The following CHADL variants were observed in gnomAD, a reference collection of about 807,000 sequenced individuals.
CHADL encodes chondroadherin-like protein.
A neutral mutation model predicts 52.1 loss-of-function variants in CHADL; 48 were observed. That is an observed-to-expected ratio of 0.92 (90% CI 0.73 to 1.17). The LOEUF is 1.17. Among genes scored for constraint, CHADL ranks in the 50% most tolerant of loss-of-function variants. CHADL has a pLI of 0.00. For missense variants in CHADL, 977 were observed against 1,035.1 expected, an observed-to-expected ratio of 0.94 and a Z score of 0.77; for synonymous variants, 498 against 511.2, an observed-to-expected ratio of 0.97 and a Z score of 0.35.
intron 3 of CHADL, 67 bp from the exon 4 acceptor site, chr22:41,236,717 G>A: frequency 7.0e-7 from 1 of 1,425,658 alleles, no homozygotes; most frequent in Non-Finnish European, 9.4e-7. Context: ...AGTCTGGAAG[G>A]GAGCCCCATC....
chr22:41,237,696 C>G lies in CHADL; in HGVS notation c.1376G>C (p.Cys459Ser). ...GHLVSLHLQH[C>S]GIAELEAGAL... The stretch of plus-strand genomic sequence containing the variant: ...GCCCGCTTCCAGCTCCGCGATGCCG[C>G]AGTGCTGCAGGTGCAGCGACACCAG... The change falls in exon 3 of 6, where the codon TGC becomes TCC. Residue 459 changes from cysteine to serine, a missense_variant. Coordinates refer to ENST00000216241, the MANE Select transcript of CHADL (RefSeq NM_138481.2). 1 of 1,542,022 alleles carries G rather than the reference C, an allele frequency of 6.5e-7. No individual in the cohort carries two copies. The highest frequency in any genetic ancestry group is 2.5e-5 in the East Asian group (1 of 40,756).
chr22:41,235,045 A>T (rs2032712816), intron 5 of CHADL, 100 bp downstream of exon 5: 3 of 1,246,132 alleles, frequency 2.4e-6, no homozygotes, highest in East Asian at 2.5e-5. Context: ...CTGGAACCAC[A>T]TGAATCAGGA....
At position 41,235,466 on chromosome 22, in the gene CHADL, G is replaced by T. The variant is rs1424969784; in HGVS notation, c.2064-123C>A. 3 of 712,938 alleles carry T rather than the reference G, an allele frequency of 4.2e-6. No homozygotes were observed. The East Asian group carries it at 8.1e-5, about 19-fold the overall frequency. 44.2% of individuals were successfully genotyped at this position (712,938 alleles called of 1,614,324 possible). Reference sequence around the variant, plus strand: ...GGCAGCACAAGGCCACAGGCAGCATGCATTCATTCGCTCAACAAGCATTTG... The same window carrying T: ...GGCAGCACAAGGCCACAGGCAGCATTCATTCATTCGCTCAACAAGCATTTG... On this transcript the variant is annotated intron_variant, in intron 4 of 5. Transcript: ENST00000216241.
rs556781704 is a variant in CHADL, at chr22:41,229,641, C to A, written c.*63G>T. 4 of 1,613,548 alleles carry A rather than the reference C, an allele frequency of 2.5e-6. No individual in the cohort carries two copies. Among genetic ancestry groups the A allele is most frequent in the Non-Finnish European group, 1.7e-6 (2 of 1,180,040 alleles). ...GGGTGCCAGGAAGATCTCGTCGGAGCCTGTTCCTGGCGAGAGTAAGAGCCA... is the reference window on the plus strand; with the variant it reads ...GGGTGCCAGGAAGATCTCGTCGGAGACTGTTCCTGGCGAGAGTAAGAGCCA... On this transcript the variant is annotated 3_prime_UTR_variant, in exon 6 of 6. Transcript: ENST00000216241.
In CHADL at chr22:41,230,696, G is replaced by A. The variant is rs912800651; in HGVS notation, c.2263-966C>T. ...AGTTCTAGAGCAGCTCTCTGAGCAG[G>A]ATAAGGTCCCCTGACAGTGAGTTGT... On this transcript the variant is annotated intron_variant, in intron 5 of 5. Coordinates refer to ENST00000216241, the MANE Select transcript of CHADL (RefSeq NM_138481.2). 3.1e-5 allele frequency: 5 copies of A among 163,386 alleles called. No individual in the cohort carries two copies. In the East Asian group the frequency reaches 9.3e-4, roughly 30 times the overall value. The allele number at this position is 163,386 out of a possible 1,614,324, so 10.1% of individuals were successfully genotyped here.
rs1215515759 is a variant in CHADL at position 41,236,566 on chromosome 22, G to A, written c.1981C>T (p.Leu661=). ...AGCTCCAGCTGGCTGAGACTGGGCA[G>A]GGCAGGCAGGGCCCGAAGCTGGTTC... ...QKNQLRALPA[L]PSLSQLELID... is the part of the protein sequence containing the mutation. Residue 661 remains leucine, a synonymous_variant, in exon 4 of 6, where the codon CTG becomes TTG. Coordinates refer to ENST00000216241, the MANE Select transcript of CHADL (RefSeq NM_138481.2). 2 of 1,551,398 alleles carry A rather than the reference G, an allele frequency of 1.3e-6. No individual in the cohort carries two copies. The highest frequency in any genetic ancestry group is 1.7e-6 in the Non-Finnish European group (2 of 1,146,940).
chr22:41,234,266 A>G (rs963249802), intron 5 of CHADL, among the ~76,000 whole-genome samples: 2 of 152,182 alleles, frequency 1.3e-5, no homozygotes, highest in African/African-American at 4.8e-5. Context: ...AGGAAAGGCC[A>G]CTGTCCCACA....
At chr22:41,230,464 C>T (rs373816501) in intron 5 of CHADL, 14 of 521,686 alleles carry the variant, frequency 2.7e-5, no homozygotes, top group East Asian at 1.0e-4. Context: ...GTCTATATGA[C>T]GGGCCGCCTG....
At chr22:41,232,097 C>T (rs569883606) in intron 5 of CHADL, among the ~76,000 whole-genome samples, 2 of 152,230 alleles carry the variant, frequency 1.3e-5, no homozygotes, top group South Asian at 4.1e-4. Context: ...CTTTGGGAGG[C>T]CACGGCGGGC....
At position 41,235,177 on chromosome 22, in the gene CHADL, G is replaced by A. The variant is rs1414796616; in HGVS notation, c.2230C>T (p.Pro744Ser). The change falls in exon 5 of 6, where the codon CCC becomes TCC. Residue 744 changes from proline to serine, a missense_variant. Coordinates refer to ENST00000216241, the MANE Select transcript of CHADL (RefSeq NM_138481.2). ...PASRPSARRTPIKGRQCGADK... is the reference protein window; with the variant it reads ...PASRPSARRTSIKGRQCGADK... ...GCTCCACACTGTCTTCCTTTGATGG[G>A]GGTTCTCCTGGCACTGGGCCTGGAG... 1 of 1,551,508 alleles carries A rather than the reference G, an allele frequency of 6.4e-7. No homozygotes were observed. The highest frequency in any genetic ancestry group is 2.0e-5 in the Admixed American group (1 of 51,014).
chr22:41,230,093 C>T, intron 5 of CHADL: 1 of 965,792 alleles, frequency 1.0e-6, no homozygotes, highest in Non-Finnish European at 1.6e-6. Context: ...CCACCCCTCC[C>T]AGAGTTATTT....
At chr22:41,231,681 G>C (rs1257569196) in intron 5 of CHADL, among the ~76,000 whole-genome samples, 2 of 152,228 alleles carry the variant, frequency 1.3e-5, no homozygotes, top group Non-Finnish European at 2.9e-5. Context: ...GCCTCAGTTT[G>C]CCCTTGGAGG....
In CHADL at chr22:41,237,459, G is replaced by A. The variant is rs1176356242; in HGVS notation, c.1613C>T (p.Pro538Leu). The A allele has an allele frequency of 1.3e-6, 2 of 1,550,536 alleles. No individual in the cohort carries two copies. The highest frequency in any genetic ancestry group is 2.4e-5 in the South Asian group (2 of 84,070). ...LQDNAVDRLA[P>L]GDLGRTRALR... ...GGCCCGTGTTCTCCCCAGGTCCCCA[G>A]GTGCCAGGCGGTCCACAGCGTTGTC... The change falls in exon 3 of 6, where the codon CCT (proline) becomes CTT (leucine). Residue 538 changes from proline to leucine, a missense_variant. Pro to Leu is a moderately conservative substitution (Grantham distance 98). Transcript: ENST00000216241.
intron 5 of CHADL, among the ~76,000 whole-genome samples, chr22:41,232,553 G>T (rs2032641243): frequency 6.6e-6 from 1 of 152,154 alleles, no homozygotes; most frequent in Non-Finnish European, 1.5e-5. Flanking sequence ...GCCAGTGCCT[G>T]AGCCTCAAGA....
Position 41,238,314 on chromosome 22 carries a change from A to G in CHADL, c.758T>C (p.Leu253Pro), listed in dbSNP as rs1402236078. 4 of 1,525,368 alleles carry G rather than the reference A, an allele frequency of 2.6e-6. No individual in the cohort carries two copies. Among genetic ancestry groups the G allele is most frequent in the Admixed American group, 4.1e-5 (2 of 49,012 alleles). 94.5% of individuals were successfully genotyped at this position (1,525,368 alleles called of 1,614,324 possible). Residue 253 changes from leucine (L) to proline (P), a missense_variant, in exon 3 of 6, where the codon CTG becomes CCG. Physicochemically the swap from Leu to Pro is moderately conservative, Grantham distance 98. Coordinates refer to ENST00000216241, the MANE Select transcript of CHADL (RefSeq NM_138481.2). The surrounding 1 kb of genome is among the most constrained non-coding windows in gnomAD (Gnocchi z 4.9). Reference protein sequence around the residue: ...TYAGEEDGLALPGLRELLLDG... With the variant: ...TYAGEEDGLAPPGLRELLLDG... ...CAGCAGCAGCTCCCGCAGGCCGGGC[A>G]GCGCCAGCCCGTCCTCCTCGCCCGC...
chr22:41,235,318 C>A lies in CHADL; in HGVS notation c.2089G>T (p.Val697Leu), dbSNP rs545428296. 2 of 1,550,946 alleles carry A rather than the reference C, an allele frequency of 1.3e-6. No homozygotes were observed. Among genetic ancestry groups the A allele is most frequent in the South Asian group, 1.2e-5 (1 of 84,052 alleles). ...HRWLTGLNLRVGATCATPPNA... is the reference protein window; with the variant it reads ...HRWLTGLNLRLGATCATPPNA... ...GGAGGGGTGGCGCAGGTGGCCCCCA[C>A]CCGCAGGTTCAGCCCAGTAAGCCAC... Residue 697 changes from valine to leucine, a missense_variant, in exon 5 of 6, where the codon GTG becomes TTG. By Grantham distance (32) the Val-to-Leu change is conservative (BLOSUM62 1). Coordinates refer to ENST00000216241, the MANE Select transcript of CHADL (RefSeq NM_138481.2).
intron 5 of CHADL, chr22:41,230,500 A>C: frequency 2.1e-6 from 1 of 473,212 alleles, no homozygotes. Flanking sequence ...TCTGTGAACC[A>C]CCTTTTCCAG....
intron 5 of CHADL, among the ~76,000 whole-genome samples, chr22:41,232,147 A>T (rs897320933): frequency 2.0e-5 from 3 of 151,898 alleles, no homozygotes; most frequent in Admixed American, 6.6e-5. Context: ...CCTGGCTAAC[A>T]CGATGAAACC....
At position 41,238,659 on chromosome 22, in the gene CHADL, C is replaced by G; in HGVS notation, c.413G>C (p.Arg138Pro). 6.5e-7 allele frequency: 1 copy of G among 1,544,458 alleles called. No homozygotes were observed. The highest frequency in any genetic ancestry group is 8.7e-7 in the Non-Finnish European group (1 of 1,145,816). ...CAGTGCGTTCCCCTCCAGCTCCAGCCGCCGCAACGAGCCCAGCCCGTCCAG... is the reference window on the plus strand; with the variant it reads ...CAGTGCGTTCCCCTCCAGCTCCAGCGGCCGCAACGAGCCCAGCCCGTCCAG... ...EALDGLGSLR[R>P]LELEGNALEE... The change falls in exon 3 of 6, where the codon CGG becomes CCG. Residue 138 changes from arginine (R) to proline (P), a missense_variant. Physicochemically the swap from Arg to Pro is moderately radical, Grantham distance 103. Coordinates refer to ENST00000216241, the MANE Select transcript of CHADL (RefSeq NM_138481.2). The surrounding 1 kb of genome is among the most constrained non-coding windows in gnomAD (Gnocchi z 4.9).
Sources: allele counts gnomAD v4.1 joint callset (sites outside exome capture counted in the v4.1 genomes callset), GRCh38; gene constraint gnomAD v4.1.1; non-coding constraint Gnocchi (gnomAD v3.1); transcripts MANE v1.5; gene names NCBI Gene and HGNC (gene_info 2026-07-23, HGNC 2026-07-21).